The following DNAH14 variants were observed in gnomAD, a reference collection of about 807,000 sequenced individuals.
The protein encoded by DNAH14 is axonemal beta dynein heavy chain 14.
Under a neutral mutation model 520.9 loss-of-function variants are expected in DNAH14, and 478 were observed. The observed-to-expected ratio is 0.92, with a 90% CI of 0.85 to 0.99. The LOEUF (loss-of-function observed/expected upper bound fraction) is 0.99, where lower values mean the gene tolerates loss of function less well. Ranked by LOEUF, DNAH14 falls within the 50% of genes least tolerant of loss-of-function variation. DNAH14 has a pLI of 0.00. For missense variants in DNAH14, 4,831 were observed against 5,234.5 expected, an observed-to-expected ratio of 0.92 and a Z score of 2.38; for synonymous variants, 1,581 against 1,757.2, an observed-to-expected ratio of 0.90 and a Z score of 2.51.
At chr1:225,266,166 T>C (rs375701347) in intron 48 of DNAH14, among the ~76,000 whole-genome samples, 1 of 152,124 alleles carries the variant, frequency 6.6e-6, no homozygotes, top group African/African-American at 2.4e-5. Flanking sequence ...ACAACAGCAT[T>C]TGCAGCAGAA....
chr1:225,147,391 G>A, intron 31 of DNAH14, 142 bp downstream of exon 31: 1 of 767,394 alleles, frequency 1.3e-6, no homozygotes, highest in Non-Finnish European at 1.9e-6. Flanking sequence ...CAAAAGGAAT[G>A]GCAGTTACCT....
At position 225,360,839 on chromosome 1, in the gene DNAH14, A is replaced by G; in HGVS notation, c.11935A>G (p.Asn3979Asp). 1 of 1,551,732 alleles carries G rather than the reference A, an allele frequency of 6.4e-7. No individual in the cohort carries two copies. The highest frequency in any genetic ancestry group is 8.7e-7 in the Non-Finnish European group (1 of 1,146,988). Residue 3979 changes from asparagine (N) to aspartate (D), a missense_variant, in exon 75 of 86, where the codon AAC becomes GAC. Transcript: ENST00000682510. ...AACACAACAATGGGTCTTCCTCCAGAACTGCCATCTTGCAACATCATTTAT... is the reference window on the plus strand; with the variant it reads ...AACACAACAATGGGTCTTCCTCCAGGACTGCCATCTTGCAACATCATTTAT... ...TKTQQWVFLQ[N>D]CHLATSFMPR...
chr1:225,250,607 T>A, intron 43 of DNAH14: 1 of 468,168 alleles, frequency 2.1e-6, no homozygotes, highest in East Asian at 3.5e-5. Context: ...AGTTTTGTTA[T>A]ACTCACAGGT....
chr1:225,253,258 CAGCCTT>C lies in DNAH14; in HGVS notation c.6865+845_6865+850del, dbSNP rs550443469. Among the ~76,000 whole-genome samples, 913 of 152,296 alleles carry C rather than the reference CAGCCTT, an allele frequency of 6.0e-3. 6 individuals carry two copies. Among genetic ancestry groups the C allele is most frequent in the Non-Finnish European group, 9.3e-3 (631 of 68,020 alleles). ...ATATGTTAGTGCTGATATTGACTGA[CAGCCTT>C]AGCTTTTTACCACTATGTAGAAAAG... On this transcript the variant is annotated intron_variant, in intron 44 of 85. Transcript: ENST00000682510.
intron 11 of DNAH14, among the ~76,000 whole-genome samples, chr1:225,027,388 T>C (rs1390698154): frequency 6.6e-6 from 1 of 151,938 alleles, no homozygotes; most frequent in Non-Finnish European, 1.5e-5. Context: ...TGCCTGTGGG[T>C]TTTTCACAGA....
At chr1:225,178,511 G>A (rs765100163) in intron 36 of DNAH14, among the ~76,000 whole-genome samples, 1 of 152,158 alleles carries the variant, frequency 6.6e-6, no homozygotes, top group Non-Finnish European at 1.5e-5. Flanking sequence ...ACTTCTGGGA[G>A]ATACAATTCA....
Position 225,346,639 on chromosome 1 carries a change from C to A in DNAH14, c.11281C>A (p.Gln3761Lys), listed in dbSNP as rs756512923. ...GATAAATATTAAAAGTGCATTATCC[C>A]AGTCTAGACTTACTAGTAAGTAAAA... is the stretch of plus-strand genomic sequence containing the variant. ...ILINIKSALSQSRLTSTFEIG... is the reference protein window; with the variant it reads ...ILINIKSALSKSRLTSTFEIG... Residue 3761 changes from glutamine to lysine, a missense_variant, in exon 71 of 86, where the codon CAG becomes AAG. Transcript: ENST00000682510. 4 of 1,543,210 alleles carry A rather than the reference C, an allele frequency of 2.6e-6. No homozygotes were observed. The South Asian group carries it at 4.8e-5, about 19-fold the overall frequency.
At chr1:225,157,908 T>G (rs1194466995) in intron 34 of DNAH14, among the ~76,000 whole-genome samples, 1 of 152,172 alleles carries the variant, frequency 6.6e-6, no homozygotes, top group Non-Finnish European at 1.5e-5. Flanking sequence ...CCCATTGTAA[T>G]AATGGAGTGG....
rs1267628559 is a variant in DNAH14, at chr1:225,082,551, T to C, written c.3139T>C (p.Leu1047=). 12 of 1,542,304 alleles carry C rather than the reference T, an allele frequency of 7.8e-6. No homozygotes were observed. The highest frequency in any genetic ancestry group is 2.5e-5 in the East Asian group (1 of 40,738). Residue 1047 remains leucine, a splice_region_variant and synonymous_variant, in exon 20 of 86, where the codon TTA becomes CTA. Coordinates refer to ENST00000682510, the MANE Select transcript of DNAH14 (RefSeq NM_001367479.1). ...MHIISVLEKG[L]PKSDMVTHLK... ...TACTGACCCATTGTTATTTATAGGT[T>C]TACCTAAAAGCGATATGGTAACACA...
intron 23 of DNAH14, among the ~76,000 whole-genome samples, chr1:225,102,298 C>T (rs1486039064): frequency 4.8e-3 from 725 of 150,358 alleles, no homozygotes; most frequent in Non-Finnish European, 7.0e-3. Context: ...CATTGTTGGA[C>T]ATTTGGCTTG....
At chr1:225,047,491 A>T (rs2068069983) in intron 15 of DNAH14, among the ~76,000 whole-genome samples, 1 of 152,198 alleles carries the variant, frequency 6.6e-6, no homozygotes, top group Non-Finnish European at 1.5e-5. Flanking sequence ...TCAGTATAGT[A>T]ATATGCAGTA....
intron 15 of DNAH14, among the ~76,000 whole-genome samples, chr1:225,049,879 C>T (rs754302479): frequency 6.6e-6 from 1 of 151,958 alleles, no homozygotes; most frequent in Non-Finnish European, 1.5e-5. Context: ...GCTGTGTCTC[C>T]TGATTTTTAT....
chr1:225,188,631 C>T (rs1266719222), intron 37 of DNAH14, among the ~76,000 whole-genome samples: 1 of 151,832 alleles, frequency 6.6e-6, no homozygotes, highest in East Asian at 1.9e-4. Context: ...GCAAGTTCTC[C>T]AACTTTGTTT....
intron 1 of DNAH14, among the ~76,000 whole-genome samples, chr1:224,942,881 T>C (rs562261442): frequency 2.4e-4 from 36 of 152,324 alleles, no homozygotes; most frequent in Admixed American, 2.3e-3. Context: ...ATAAGCTTTT[T>C]GATGTGCTGC....
At position 224,964,204 on chromosome 1, in the gene DNAH14, A is replaced by G. The variant is rs115731351; in HGVS notation, c.368-275A>G. The stretch of plus-strand genomic sequence containing the variant: ...ATTTATTAAGAAAAGCCGTATAACC[A>G]GTTCCTATTCCTAGTCTCTTCTCTT... On this transcript the variant is annotated intron_variant, in intron 4 of 85. Coordinates refer to ENST00000682510, the MANE Select transcript of DNAH14 (RefSeq NM_001367479.1). Among the ~76,000 whole-genome samples, 292 of 152,232 alleles carry G rather than the reference A, an allele frequency of 1.9e-3. 1 individual carries two copies. Among genetic ancestry groups the G allele is most frequent in the Non-Finnish European group, 3.2e-3 (215 of 67,994 alleles).
chr1:225,041,521 T>C (rs981344524), intron 12 of DNAH14, among the ~76,000 whole-genome samples: 4 of 152,366 alleles, frequency 2.6e-5, no homozygotes, highest in Admixed American at 2.0e-4. Context: ...ATTATAACGA[T>C]GTGCACAGAC....
At chr1:225,350,647 A>G (rs2095352308) in intron 71 of DNAH14, among the ~76,000 whole-genome samples, 1 of 152,166 alleles carries the variant, frequency 6.6e-6, no homozygotes, top group Admixed American at 6.5e-5. Context: ...GAATTGGATA[A>G]CCTAGAAGTA....
At position 225,152,743 on chromosome 1, in the gene DNAH14, C is replaced by T. The variant is rs191860318; in HGVS notation, c.5056C>T (p.Arg1686Cys). ...ELPDNLKSLFRPVAMMVPHYQ... is the reference protein window; with the variant it reads ...ELPDNLKSLFCPVAMMVPHYQ... ...CCCAGATAACTTAAAATCTCTGTTTCGCCCAGTGGCAATGATGGTGCCCCA... is the reference window on the plus strand; with the variant it reads ...CCCAGATAACTTAAAATCTCTGTTTTGCCCAGTGGCAATGATGGTGCCCCA... The change falls in exon 33 of 86, where the codon CGC becomes TGC. Residue 1686 changes from arginine (R) to cysteine (C), a missense_variant. Physicochemically the swap from Arg to Cys is radical, Grantham distance 180 (BLOSUM62 -3). Coordinates refer to ENST00000682510, the MANE Select transcript of DNAH14 (RefSeq NM_001367479.1). 8.4e-6 allele frequency: 13 copies of T among 1,551,180 alleles called. No individual in the cohort carries two copies. The highest frequency in any genetic ancestry group is 4.9e-5 in the East Asian group (2 of 40,892).
intron 54 of DNAH14, among the ~76,000 whole-genome samples, chr1:225,279,949 C>T (rs2093588922): frequency 6.7e-6 from 1 of 150,330 alleles, no homozygotes; most frequent in Non-Finnish European, 1.5e-5. Flanking sequence ...GGAAAGCATA[C>T]AAAAATGACT....
Sources: gnomAD v4.1 joint callset for allele counts (sites outside exome capture counted in the v4.1 genomes callset) on GRCh38, gnomAD v4.1.1 for gene constraint, MANE v1.5 for transcripts, NCBI Gene and HGNC (gene_info 2026-07-23, HGNC 2026-07-21) for gene names.